The following MRM1 variants were observed in gnomAD, a reference collection of about 807,000 sequenced individuals.
MRM1 encodes rRNA methyltransferase 1, mitochondrial.
In MRM1, 24 loss-of-function variants were observed where a neutral mutation model predicts 25.0. That is an observed-to-expected ratio of 0.96 (90% confidence interval 0.69 to 1.35). The LOEUF (loss-of-function observed/expected upper bound fraction) is 1.35. Among genes scored for constraint, MRM1 ranks in the 40% most tolerant of loss-of-function variants. The probability of loss-of-function intolerance (pLI) is 0.00; values close to 1 mark genes in which losing one functional copy is unlikely to be tolerated. For synonymous variants in MRM1, 188 were observed against 199.2 expected, an observed-to-expected ratio of 0.94 and a Z score of 0.47; for missense variants, 431 against 464.1, an observed-to-expected ratio of 0.93 and a Z score of 0.65.
the MRM1 span, among the ~76,000 whole-genome samples, chr17:36,624,218 T>C: frequency 1.8e-4 from 27 of 152,292 alleles, no homozygotes; most frequent in African/African-American, 5.8e-4. This position sits in a 1 kb window ranked among gnomAD's most constrained non-coding sequence, Gnocchi z 4.0. Context: ...GCTGCCCTTG[T>C]CACCCTTCAG....
Position 36,602,842 on chromosome 17 carries a change from C to T in MRM1, c.636+196C>T. On this transcript the variant is annotated intron_variant, in intron 2 of 4. Coordinates refer to ENST00000614766, the MANE Select transcript of MRM1 (RefSeq NM_024864.5). This position sits in a 1 kb window ranked among gnomAD's most constrained non-coding sequence, Gnocchi z 4.1. Reference sequence around the variant, plus strand: ...GGAGCATTAGCTGAATTCTTCCTAGCGTTATACCCTTTCCTGCACCCCTTC... The same window carrying T: ...GGAGCATTAGCTGAATTCTTCCTAGTGTTATACCCTTTCCTGCACCCCTTC... The T allele has an allele frequency of 1.3e-6, 1 of 786,938 alleles. No individual in the cohort carries two copies. The highest frequency in any genetic ancestry group is 1.5e-6 in the Non-Finnish European group (1 of 649,122). The allele number at this position is 786,938 out of a possible 1,614,324, so 48.7% of individuals were successfully genotyped here.
At chr17:36,625,389 TC>T in the MRM1 span, among the ~76,000 whole-genome samples, 1 of 95,276 alleles carries the variant, frequency 1.0e-5, no homozygotes, top group Non-Finnish European at 2.1e-5. Context: ...TCTTCGCTCT[TC>T]GTCTTCTTTC....
chr17:36,630,747 C>T, the MRM1 span, among the ~76,000 whole-genome samples: 17 of 152,010 alleles, frequency 1.1e-4, no homozygotes, highest in African/African-American at 3.4e-4. Flanking sequence ...TAGAGACATT[C>T]GAGGAGTTAG....
chr17:36,604,457 C>A (rs1440950648), intron 2 of MRM1, among the ~76,000 whole-genome samples: 3 of 152,144 alleles, frequency 2.0e-5, no homozygotes, highest in Non-Finnish European at 4.4e-5. Context: ...CCCTGACTTC[C>A]GAGCATTAGC....
At chr17:36,619,332 A>G in the MRM1 span, among the ~76,000 whole-genome samples, 1 of 152,126 alleles carries the variant, frequency 6.6e-6, no homozygotes, top group Non-Finnish European at 1.5e-5. Flanking sequence ...GGCTTTTTTG[A>G]ATAATGCTGC....
chr17:36,602,227 A>G lies in MRM1; in HGVS notation c.417A>G (p.Pro139=). Residue 139 remains proline (P), a synonymous_variant, in exon 1 of 5, where the codon CCA becomes CCG. Coordinates refer to ENST00000614766, the MANE Select transcript of MRM1 (RefSeq NM_024864.5). The surrounding 1 kb of genome is among the most constrained non-coding windows in gnomAD (Gnocchi z 4.1). Reference sequence around the variant, plus strand: ...GGAGAGAGGCCGGGGAGGCGAGCCCAGGCGACGACCCCCAGCAGTTGTGGC... The same window carrying G: ...GGAGAGAGGCCGGGGAGGCGAGCCCGGGCGACGACCCCCAGCAGTTGTGGC... ...RPWREAGEAS[P]GDDPQQLWLV... 6.2e-7 allele frequency: 1 copy of G among 1,610,526 alleles called. No homozygotes were observed. The highest frequency in any genetic ancestry group is 8.5e-7 in the Non-Finnish European group (1 of 1,177,990).
At position 36,602,882 on chromosome 17, in the gene MRM1, A is replaced by T. The variant is rs2074893107; in HGVS notation, c.636+236A>T. On this transcript the variant is annotated intron_variant, in intron 2 of 4. Transcript: ENST00000614766. This position sits in a 1 kb window ranked among gnomAD's most constrained non-coding sequence, Gnocchi z 4.1. Reference sequence around the variant, plus strand: ...TGCACCCCTTCCCCAGGTATGCACCACTTTGCCTCTTCTGTAAGTCAGCCT... The same window carrying T: ...TGCACCCCTTCCCCAGGTATGCACCTCTTTGCCTCTTCTGTAAGTCAGCCT... 5.1e-5 allele frequency: 49 copies of T among 954,378 alleles called. No individual in the cohort carries two copies. Among genetic ancestry groups the T allele is most frequent in the Non-Finnish European group, 5.9e-5 (47 of 801,692 alleles). 59.1% of individuals were successfully genotyped at this position (954,378 alleles called of 1,614,324 possible). A position where few individuals can be genotyped will look rare whatever the true frequency, so the allele number is the denominator to read the frequency against.
Position 36,608,302 on chromosome 17 carries a change from A to G in MRM1, c.949A>G (p.Arg317Gly). ...RKGFPTEGER[R>G]QLLQDPQEPS... ...GGGTTTCCCCACAGAGGGGGAGAGA[A>G]GGCAGCTTCTCCAAGACCCCCAAGA... The change falls in exon 5 of 5, where the codon AGG (arginine) becomes GGG (glycine). Residue 317 changes from arginine to glycine, a missense_variant. Transcript: ENST00000614766. The G allele has an allele frequency of 6.2e-7, 1 of 1,608,444 alleles. No individual in the cohort carries two copies. Among genetic ancestry groups the G allele is most frequent in the Non-Finnish European group, 8.5e-7 (1 of 1,177,494 alleles).
At chr17:36,612,178 A>G (rs903498306), downstream of MRM1, among the ~76,000 whole-genome samples, 1 of 152,086 alleles carries the variant, frequency 6.6e-6, no homozygotes, top group Non-Finnish European at 1.5e-5. Flanking sequence ...CATGCTGTTC[A>G]TCAGCTTTCC....
At chr17:36,617,291 A>T in the MRM1 span, among the ~76,000 whole-genome samples, 2 of 151,836 alleles carry the variant, frequency 1.3e-5, no homozygotes, top group Admixed American at 1.3e-4. Context: ...TCCCTGTAAG[A>T]TAGAGCCAAT....
At chr17:36,629,910 G>A in the MRM1 span, among the ~76,000 whole-genome samples, 1 of 152,186 alleles carries the variant, frequency 6.6e-6, no homozygotes, top group Non-Finnish European at 1.5e-5. Flanking sequence ...AGAGGCATGG[G>A]GGCTTGTTTA....
In MRM1 at chr17:36,602,401, G is replaced by A. The variant is rs1567845797; in HGVS notation, c.542+49G>A. ...TGTGCCCCAACTTGGAGACGCAGCC[G>A]AGTTCCTAAGCACCTTGGCCCTTGG... On this transcript the variant is annotated intron_variant, in intron 1 of 4. Coordinates refer to ENST00000614766, the MANE Select transcript of MRM1 (RefSeq NM_024864.5). The surrounding 1 kb of genome is among the most constrained non-coding windows in gnomAD (Gnocchi z 4.1). 5 of 1,547,070 alleles carry A rather than the reference G, an allele frequency of 3.2e-6. No individual in the cohort carries two copies. The highest frequency in any genetic ancestry group is 3.5e-6 in the Non-Finnish European group (4 of 1,144,302).
chr17:36,613,303 G>T (rs2074988004), downstream of MRM1, among the ~76,000 whole-genome samples: 3 of 152,168 alleles, frequency 2.0e-5, no homozygotes, highest in South Asian at 6.2e-4. Context: ...CTCCTGCAGG[G>T]CCAGGTGCCA....
chr17:36,628,920 GGA>G, the MRM1 span, among the ~76,000 whole-genome samples: 5 of 151,228 alleles, frequency 3.3e-5, no homozygotes, highest in African/African-American at 7.3e-5. Context: ...GATCAAGGAT[GGA>G]GAGAGAGAGA....
downstream of MRM1, among the ~76,000 whole-genome samples, chr17:36,613,603 T>G (rs2074990024): frequency 6.6e-6 from 1 of 152,172 alleles, no homozygotes; most frequent in Non-Finnish European, 1.5e-5. Context: ...TCCTGGCCCC[T>G]TCTCAGTGTA....
At chr17:36,609,193 C>A (rs1005565148), downstream of MRM1, among the ~76,000 whole-genome samples, 1 of 152,178 alleles carries the variant, frequency 6.6e-6, no homozygotes, top group African/African-American at 2.4e-5. Context: ...ATTGTACAAC[C>A]GAGACAGATT....
rs189638961 is a variant in MRM1 at position 36,607,820 on chromosome 17, C to G, written c.769+18C>G. The stretch of plus-strand genomic sequence containing the variant: ...TGTGCTGGGTAGGTGGATGTCCCTG[C>G]GTTTGTGCCCAGATTACATTTCCCG... On this transcript the variant is annotated intron_variant, in intron 3 of 4. Coordinates refer to ENST00000614766, the MANE Select transcript of MRM1 (RefSeq NM_024864.5). The G allele has an allele frequency of 6.2e-7, 1 of 1,612,828 alleles. No individual in the cohort carries two copies. Among genetic ancestry groups the G allele is most frequent in the South Asian group, 1.1e-5 (1 of 91,040 alleles).
At chr17:36,616,613 C>T in the MRM1 span, among the ~76,000 whole-genome samples, 8 of 152,308 alleles carry the variant, frequency 5.3e-5, no homozygotes, top group South Asian at 8.3e-4. Context: ...ACCTGGAAGC[C>T]GTGTGCTTGG....
the MRM1 span, among the ~76,000 whole-genome samples, chr17:36,627,748 C>T: frequency 7.1e-6 from 1 of 140,756 alleles, no homozygotes; most frequent in East Asian, 2.1e-4. Flanking sequence ...AATCTTGGCT[C>T]ACACAACCTG....
Sources: allele counts gnomAD v4.1 joint callset (sites outside exome capture counted in the v4.1 genomes callset), GRCh38; gene constraint gnomAD v4.1.1; non-coding constraint Gnocchi (gnomAD v3.1); transcripts MANE v1.5; gene names NCBI Gene and HGNC (gene_info 2026-07-23, HGNC 2026-07-21).